LSAMP: variants seen among roughly 807,000 people sequenced by gnomAD.
The protein encoded by LSAMP is limbic system associated membrane protein.
Under a neutral mutation model 38.6 loss-of-function variants are expected in LSAMP, and 7 were observed. The observed-to-expected ratio is 0.18, with a 90% CI of 0.10 to 0.34. The LOEUF is 0.34. LSAMP is among the 10% of genes least tolerant of loss of function. LSAMP has a pLI of 1.00. For synonymous variants in LSAMP, 154 were observed against 166.8 expected (o/e 0.92, Z 0.59); for missense variants, 313 against 420.0 (o/e 0.75, Z 2.23).
intron 1 of LSAMP, among the ~76,000 whole-genome samples, chr3:116,210,229 T>G (rs1201062997): frequency 6.6e-6 from 1 of 152,180 alleles, no homozygotes; most frequent in Non-Finnish European, 1.5e-5. Context: ...GATGGAAGGA[T>G]GCAAAGTATT....
chr3:115,930,797 C>T (rs981455646), intron 3 of LSAMP, among the ~76,000 whole-genome samples: 66 of 152,152 alleles, frequency 4.3e-4, no homozygotes, highest in African/African-American at 1.5e-3. Flanking sequence ...AGAGGTTCCT[C>T]TGCCTAACAC....
chr3:116,441,689 T>G (rs1314821288), intron 1 of LSAMP, among the ~76,000 whole-genome samples: 1 of 152,212 alleles, frequency 6.6e-6, no homozygotes, highest in African/African-American at 2.4e-5. Context: ...GAACTCTTAC[T>G]CCTGTGGGAG....
At chr3:116,135,511 A>G (rs1328923152) in intron 1 of LSAMP, among the ~76,000 whole-genome samples, 1 of 152,160 alleles carries the variant, frequency 6.6e-6, no homozygotes, top group Non-Finnish European at 1.5e-5. Context: ...GAAAGACAGT[A>G]TTACTTGCCA....
intron 3 of LSAMP, among the ~76,000 whole-genome samples, chr3:115,990,667 T>C (rs577055587): frequency 6.6e-6 from 1 of 152,166 alleles, no homozygotes; most frequent in Admixed American, 6.6e-5. Context: ...TTGAATGATA[T>C]CGAAATATTT....
chr3:115,998,932 C>A (rs1367986082), intron 3 of LSAMP, among the ~76,000 whole-genome samples: 1 of 151,948 alleles, frequency 6.6e-6, no homozygotes, highest in Non-Finnish European at 1.5e-5. Flanking sequence ...GGAAAAGTCA[C>A]CCTTCAAAAA....
chr3:115,807,103 A>G lies in LSAMP; in HGVS notation c.*3214T>C, dbSNP rs1430706874. On this transcript the variant is annotated 3_prime_UTR_variant, in exon 7 of 7. Transcript: ENST00000490035. ...TTGGTGCTTTTCAGTGCGGGGTTTC[A>G]AACTTTGATTACCAAGGGACAAGAT... The G allele has an allele frequency of 1.3e-5, 2 of 152,170 alleles. No homozygotes were observed. The highest frequency in any genetic ancestry group is 4.8e-5 in the African/African-American group (2 of 41,432). The allele number at this position is 152,170 out of a possible 1,614,324, so 9.4% of individuals were successfully genotyped here.
chr3:116,087,747 G>A (rs1243575379), intron 1 of LSAMP, among the ~76,000 whole-genome samples: 2 of 152,092 alleles, frequency 1.3e-5, no homozygotes, highest in African/African-American at 4.8e-5. Context: ...TAACCCATAG[G>A]CTGTCCCACA....
intron 1 of LSAMP, among the ~76,000 whole-genome samples, chr3:116,307,023 A>C (rs761575509): frequency 4.6e-5 from 7 of 152,056 alleles, no homozygotes; most frequent in Non-Finnish European, 8.8e-5. Context: ...TTTGCTCAGC[A>C]TTTCCAGGTT....
At chr3:115,843,588 G>A (rs576036355) in intron 4 of LSAMP, among the ~76,000 whole-genome samples, 1 of 152,268 alleles carries the variant, frequency 6.6e-6, no homozygotes, top group Non-Finnish European at 1.5e-5. Context: ...ACTCTGTAGA[G>A]GAAAAAGCTC....
chr3:116,346,033 G>A (rs2048059026), intron 1 of LSAMP, among the ~76,000 whole-genome samples: 1 of 152,178 alleles, frequency 6.6e-6, no homozygotes, highest in Admixed American at 6.6e-5. Flanking sequence ...TGAGATGAAG[G>A]AAGAAACCAG....
At chr3:115,855,781 T>G (rs1442339360) in intron 3 of LSAMP, among the ~76,000 whole-genome samples, 1 of 152,170 alleles carries the variant, frequency 6.6e-6, no homozygotes, top group African/African-American at 2.4e-5. Context: ...CTGCCAATAT[T>G]TCCTTTTATT....
At chr3:116,037,225 T>G (rs941168609) in intron 2 of LSAMP, among the ~76,000 whole-genome samples, 1 of 152,166 alleles carries the variant, frequency 6.6e-6, no homozygotes, top group Non-Finnish European at 1.5e-5. Context: ...AAACAATCAT[T>G]TCTTCATAAG....
intron 1 of LSAMP, among the ~76,000 whole-genome samples, chr3:116,391,184 A>C (rs1435305425): frequency 6.6e-6 from 1 of 152,114 alleles, no homozygotes. Context: ...TCACTTTGAT[A>C]GTACTGATGT....
chr3:115,961,317 T>C (rs980574419), intron 3 of LSAMP, among the ~76,000 whole-genome samples: 2 of 152,202 alleles, frequency 1.3e-5, no homozygotes, highest in African/African-American at 4.8e-5. Flanking sequence ...GCTGGCCACA[T>C]TCACACAATT....
chr3:116,233,527 C>T (rs2046428911), intron 1 of LSAMP, among the ~76,000 whole-genome samples: 1 of 150,032 alleles, frequency 6.7e-6, no homozygotes, highest in African/African-American at 2.4e-5. Context: ...CATTAAATTA[C>T]TGTAAATTAT....
intron 1 of LSAMP, among the ~76,000 whole-genome samples, chr3:116,380,423 G>C (rs1191049663): frequency 6.6e-6 from 1 of 151,802 alleles, no homozygotes; most frequent in Non-Finnish European, 1.5e-5. Context: ...TCCTTTATCT[G>C]TGTGCCTTTC....
At chr3:116,029,455 C>A (rs1166023955) in intron 2 of LSAMP, among the ~76,000 whole-genome samples, 3 of 151,200 alleles carry the variant, frequency 2.0e-5, no homozygotes, top group Admixed American at 1.3e-4. Flanking sequence ...ACTCAAATTT[C>A]TCTGCCAGGA....
At chr3:116,256,514 A>G (rs1339183871) in intron 1 of LSAMP, among the ~76,000 whole-genome samples, 1 of 152,240 alleles carries the variant, frequency 6.6e-6, no homozygotes, top group Non-Finnish European at 1.5e-5. Context: ...TGAAAGAAGT[A>G]ATAAAACAGT....
intron 1 of LSAMP, among the ~76,000 whole-genome samples, chr3:116,102,294 T>G (rs956527152): frequency 1.3e-5 from 2 of 152,234 alleles, no homozygotes; most frequent in African/African-American, 4.8e-5. Flanking sequence ...CTATATTTAT[T>G]TTCTTGGATT....
Sources: gnomAD v4.1 joint callset for allele counts (sites outside exome capture counted in the v4.1 genomes callset) on GRCh38, gnomAD v4.1.1 for gene constraint, MANE v1.5 for transcripts, NCBI Gene and HGNC (gene_info 2026-07-23, HGNC 2026-07-21) for gene names.